Variants in HDAC7 observed in about 807,000 individuals in gnomAD.
The protein encoded by HDAC7 is histone deacetylase 7, also known as histone deacetylase 7A.
Under a neutral mutation model 115.5 loss-of-function variants are expected in HDAC7, and 26 were observed. The observed-to-expected ratio is 0.23, with a 90% CI of 0.16 to 0.31. The LOEUF is 0.31. Ranked by LOEUF, HDAC7 falls within the 10% of genes least tolerant of loss-of-function variation. The pLI is 1.00. For synonymous variants in HDAC7, 564 were observed against 550.9 expected, an observed-to-expected ratio of 1.02 and a Z score of -0.33; for missense variants, 1,068 against 1,329.0, an observed-to-expected ratio of 0.80 and a Z score of 3.05.
chr12:47,791,715 G>A lies in HDAC7; in HGVS notation c.1813-9C>T, dbSNP rs755895525. ...TTCCGGCCTCGGAGACACTGAAAAG[G>A]GGACCACAGAGCTCTGAGCTCATGC... On this transcript the variant is annotated splice_polypyrimidine_tract_variant and intron_variant, in intron 14 of 25. Coordinates refer to ENST00000080059, the MANE Select transcript of HDAC7 (RefSeq NM_015401.5). 6.2e-6 allele frequency: 10 copies of A among 1,613,350 alleles called. No individual in the cohort carries two copies. The African/African-American group carries it at 1.3e-4, about 22-fold the overall frequency.
At chr12:47,792,118 T>C (rs1315550606) in intron 13 of HDAC7, 114 bp from the exon 14 acceptor site, 1 of 1,253,112 alleles carries the variant, frequency 8.0e-7, no homozygotes, top group Non-Finnish European at 1.1e-6. Flanking sequence ...GCCGGGCGGG[T>C]ACACACCCCT....
intron 24 of HDAC7, chr12:47,784,835 T>C (rs1346398071): frequency 2.8e-6 from 4 of 1,454,358 alleles, no homozygotes; most frequent in South Asian, 2.4e-5. Context: ...TTTACCATTA[T>C]GTAAAGACAT....
At chr12:47,806,957 T>TC (rs1944433824) in intron 1 of HDAC7, among the ~76,000 whole-genome samples, 1 of 151,516 alleles carries the variant, frequency 6.6e-6, no homozygotes, top group Non-Finnish European at 1.5e-5. Flanking sequence ...TTTTTTTTTT[T>TC]GAGATGGAGT....
At chr12:47,786,544 C>T (rs1449603450) in intron 22 of HDAC7, 41 bp downstream of exon 22, 1 of 1,438,696 alleles carries the variant, frequency 7.0e-7, no homozygotes, top group Admixed American at 1.7e-5. Flanking sequence ...CACCGCCTGG[C>T]TCTCTGTCCC....
In HDAC7 at chr12:47,819,753, C is replaced by A; in HGVS notation, c.19+14G>T. 1.2e-6 allele frequency: 1 copy of A among 852,548 alleles called. No homozygotes were observed. The highest frequency in any genetic ancestry group is 1.4e-6 in the Non-Finnish European group (1 of 697,220). The allele number at this position is 852,548 out of a possible 1,614,324, so 52.8% of individuals were successfully genotyped here. A position where few individuals can be genotyped will look rare whatever the true frequency, so the allele number is the denominator to read the frequency against. Reference sequence around the variant, plus strand: ...CGCGCAGGGCGGGGCGGGGGGCGGCCGCCCAGTACTCACCAGCGCCGGGGC... The same window carrying A: ...CGCGCAGGGCGGGGCGGGGGGCGGCAGCCCAGTACTCACCAGCGCCGGGGC... On this transcript the variant is annotated intron_variant, in intron 1 of 25. Transcript: ENST00000080059.
At chr12:47,810,804 G>GTCTCTCTCTCTCTCTCTCTCTC (rs60132211) in intron 1 of HDAC7, among the ~76,000 whole-genome samples, 3 of 131,590 alleles carry the variant, frequency 2.3e-5, no homozygotes, top group African/African-American at 5.9e-5. Flanking sequence ...GGAGGAAAAG[G>GTCTCTCTCTCTCTCTCTCTCTC]TCTCTCTCTC....
intron 16 of HDAC7, chr12:47,790,667 G>A (rs1420053739): frequency 6.3e-6 from 1 of 159,716 alleles, no homozygotes; most frequent in African/African-American, 2.4e-5. Context: ...TACACACCTT[G>A]CTTGAGAAAC....
chr12:47,790,563 G>A (rs1943434443), intron 16 of HDAC7: 2 of 156,580 alleles, frequency 1.3e-5, no homozygotes, highest in African/African-American at 4.8e-5. Context: ...CAAGAAATGG[G>A]AAGTTGTGAA....
intron 19 of HDAC7, chr12:47,789,050 T>G (rs1943330322): frequency 1.7e-6 from 1 of 573,398 alleles, no homozygotes; most frequent in African/African-American, 1.9e-5. Context: ...TGCAGGGGTT[T>G]GCGATGGCTG....
intron 2 of HDAC7, among the ~76,000 whole-genome samples, chr12:47,801,533 C>G (rs1189242827): frequency 6.6e-6 from 1 of 152,148 alleles, no homozygotes; most frequent in Non-Finnish European, 1.5e-5. Flanking sequence ...AGCTTTTCAA[C>G]AGCCAGGACT....
intron 1 of HDAC7, chr12:47,802,571 C>T: frequency 4.4e-6 from 5 of 1,140,586 alleles, no homozygotes; most frequent in Non-Finnish European, 6.4e-6. Flanking sequence ...CAGCAGTGCC[C>T]TCAGCCCTCC....
chr12:47,784,828 AC>A, intron 24 of HDAC7: 2 of 1,508,190 alleles, frequency 1.3e-6, no homozygotes, highest in Non-Finnish European at 1.8e-6. Flanking sequence ...CCATGTCTTT[AC>A]CATTATGTAA....
chr12:47,806,801 C>T (rs933474976), intron 1 of HDAC7, among the ~76,000 whole-genome samples: 6 of 152,148 alleles, frequency 3.9e-5, no homozygotes, highest in African/African-American at 7.2e-5. Context: ...CTTGTGGTAG[C>T]GAGTATTAGT....
chr12:47,814,528 G>A (rs1944796394), intron 1 of HDAC7, among the ~76,000 whole-genome samples: 1 of 152,210 alleles, frequency 6.6e-6, no homozygotes, highest in Non-Finnish European at 1.5e-5. Flanking sequence ...TATGGCCACA[G>A]GGCCCTGGAC....
intron 12 of HDAC7, 116 bp downstream of exon 12, chr12:47,794,644 T>C (rs998751926): frequency 9.4e-7 from 1 of 1,061,496 alleles, no homozygotes; most frequent in African/African-American, 1.6e-5. Flanking sequence ...AGGGCAACCA[T>C]GGGTCCTAGA....
intron 1 of HDAC7, among the ~76,000 whole-genome samples, chr12:47,812,392 A>C (rs1335111532): frequency 6.6e-6 from 1 of 152,228 alleles, no homozygotes; most frequent in Non-Finnish European, 1.5e-5. Context: ...ACCTTCAAAA[A>C]ATATGAACAA....
intron 1 of HDAC7, among the ~76,000 whole-genome samples, chr12:47,804,956 G>A (rs1944330423): frequency 6.6e-6 from 1 of 152,034 alleles, no homozygotes; most frequent in Non-Finnish European, 1.5e-5. Context: ...GAAAACCTGA[G>A]CCTTGCCGAC....
chr12:47,812,148 A>G (rs1291115860), intron 1 of HDAC7, among the ~76,000 whole-genome samples: 1 of 152,238 alleles, frequency 6.6e-6, no homozygotes, highest in Non-Finnish European at 1.5e-5. Context: ...CTCCAGGGCC[A>G]GCTGGCTTCA....
chr12:47,788,348 G>A (rs1046665801), intron 19 of HDAC7, 184 bp from the exon 20 acceptor site: 16 of 603,126 alleles, frequency 2.7e-5, no homozygotes, highest in Admixed American at 1.5e-4. Flanking sequence ...TCTGAACCTC[G>A]GCCTCTCTGT....
Sources: allele counts gnomAD v4.1 joint callset (sites outside exome capture counted in the v4.1 genomes callset), GRCh38; gene constraint gnomAD v4.1.1; transcripts MANE v1.5; gene names NCBI Gene and HGNC (gene_info 2026-07-23, HGNC 2026-07-21).